The following ROBO2 variants were observed in gnomAD, a reference collection of about 807,000 sequenced individuals.
ROBO2 encodes the protein roundabout guidance receptor 2, also known as roundabout homolog 2.
In ROBO2, 53 loss-of-function variants were observed where a neutral mutation model predicts 160.8. The observed-to-expected ratio is 0.33, with a 90% CI of 0.26 to 0.41. The LOEUF (loss-of-function observed/expected upper bound fraction) is 0.41, where lower values mean the gene tolerates loss of function less well. Among genes scored for constraint, ROBO2 ranks in the 10% least tolerant of loss-of-function variants. ROBO2 has a pLI of 1.00. For synonymous variants in ROBO2, 664 were observed against 611.7 expected, an observed-to-expected ratio of 1.09 and a Z score of -1.26; for missense variants, 1,577 against 1,722.4, an observed-to-expected ratio of 0.92 and a Z score of 1.49.
intron 2 of ROBO2, among the ~76,000 whole-genome samples, chr3:76,830,352 T>C (rs1165348965): frequency 6.6e-6 from 1 of 152,204 alleles, no homozygotes. Flanking sequence ...GATTCCATTT[T>C]AACAGATATT....
intron 2 of ROBO2, among the ~76,000 whole-genome samples, chr3:77,185,659 G>T (rs183380352): frequency 1.3e-4 from 20 of 151,898 alleles, no homozygotes; most frequent in Admixed American, 5.3e-4. Flanking sequence ...CTCACTACTG[G>T]GTGTCTACCC....
chr3:77,089,436 G>C (rs2150005172), intron 1 of ROBO2, among the ~76,000 whole-genome samples: 1 of 152,256 alleles, frequency 6.6e-6, no homozygotes, highest in Non-Finnish European at 1.5e-5. Flanking sequence ...AATCAAGGCT[G>C]CCTGTTGAGT....
chr3:77,562,076 C>T (rs1015213985), intron 9 of ROBO2, among the ~76,000 whole-genome samples: 1 of 151,904 alleles, frequency 6.6e-6, no homozygotes, highest in Non-Finnish European at 1.5e-5. Context: ...GCACTCCAGC[C>T]TAGGCAACAA....
At chr3:76,689,416 C>T (rs1475830237) in intron 2 of ROBO2, among the ~76,000 whole-genome samples, 3 of 152,004 alleles carry the variant, frequency 2.0e-5, no homozygotes, top group African/African-American at 7.2e-5. Flanking sequence ...TTCTCCAATC[C>T]ACTTTATTAA....
chr3:76,120,784 A>C (rs2070718505), intron 2 of ROBO2, among the ~76,000 whole-genome samples: 1 of 152,152 alleles, frequency 6.6e-6, no homozygotes, highest in Admixed American at 6.6e-5. Flanking sequence ...CTCTCAAATT[A>C]TCTTGTTCAT....
At chr3:77,091,718 C>T (rs1415976550) in intron 1 of ROBO2, among the ~76,000 whole-genome samples, 1 of 152,058 alleles carries the variant, frequency 6.6e-6, no homozygotes, top group Non-Finnish European at 1.5e-5. Context: ...GTGGCTCATG[C>T]CTGTAATCCC....
chr3:76,773,507 G>C (rs1417610371), intron 2 of ROBO2, among the ~76,000 whole-genome samples: 1 of 150,506 alleles, frequency 6.6e-6, no homozygotes, highest in African/African-American at 2.4e-5. Flanking sequence ...TGTCATTCCT[G>C]AGTCATTATT....
chr3:77,160,841 T>TA (rs2078424810), intron 2 of ROBO2, among the ~76,000 whole-genome samples: 1 of 152,208 alleles, frequency 6.6e-6, no homozygotes, highest in Non-Finnish European at 1.5e-5. Flanking sequence ...ACTGTAATTT[T>TA]AAAGTAAAAC....
At chr3:76,871,533 G>T (rs1388779019) in intron 2 of ROBO2, among the ~76,000 whole-genome samples, 2 of 137,114 alleles carry the variant, frequency 1.5e-5, no homozygotes, top group East Asian at 4.2e-4. Context: ...CAGCCTGGGC[G>T]ACAGAGCGAG....
chr3:76,321,889 C>G (rs1019450291), intron 2 of ROBO2, among the ~76,000 whole-genome samples: 1 of 151,960 alleles, frequency 6.6e-6, no homozygotes, highest in Non-Finnish European at 1.5e-5. Context: ...CCCTGGAGTA[C>G]TTTTCCCTCA....
chr3:76,264,581 T>C (rs1330852154), intron 2 of ROBO2, among the ~76,000 whole-genome samples: 1 of 152,182 alleles, frequency 6.6e-6, no homozygotes, highest in Non-Finnish European at 1.5e-5. Context: ...CTGGTTTCTT[T>C]CATTGTCACA....
intron 2 of ROBO2, among the ~76,000 whole-genome samples, chr3:77,194,340 A>G (rs2082132927): frequency 6.6e-6 from 1 of 152,134 alleles, no homozygotes; most frequent in Non-Finnish European, 1.5e-5. Flanking sequence ...TCTTTACGTA[A>G]GTTCACTTAT....
intron 2 of ROBO2, among the ~76,000 whole-genome samples, chr3:76,865,777 C>T (rs1371659983): frequency 2.0e-5 from 3 of 152,008 alleles, no homozygotes; most frequent in African/African-American, 7.2e-5. Context: ...CTCTTCTACC[C>T]ACCAAAATTA....
rs145850835 is a variant in ROBO2 at position 77,612,672 on chromosome 3, C to T, written c.3293+4718C>T. 5.9e-5 allele frequency among the ~76,000 whole-genome samples: 9 copies of T among 152,198 alleles called. No individual in the cohort carries two copies. In the East Asian group the frequency reaches 7.7e-4, roughly 13 times the overall value. On this transcript the variant is annotated intron_variant, in intron 21 of 25. Coordinates refer to ENST00000461745, the Ensembl canonical transcript of ROBO2. ...GAAAAATTGGTGATAACTGGCTAGG[C>T]GCGGTAGCTCACTCTTGTAATCCCA... is the stretch of plus-strand genomic sequence containing the variant.
At chr3:77,452,179 T>C (rs1448643927) in intron 2 of ROBO2, among the ~76,000 whole-genome samples, 1 of 152,162 alleles carries the variant, frequency 6.6e-6, no homozygotes, top group Non-Finnish European at 1.5e-5. Context: ...AGTTGATTCA[T>C]AGGCAAAATA....
At chr3:76,846,911 T>C (rs1336618391) in intron 2 of ROBO2, among the ~76,000 whole-genome samples, 3 of 152,132 alleles carry the variant, frequency 2.0e-5, no homozygotes, top group Non-Finnish European at 2.9e-5. Flanking sequence ...ATTCACATCT[T>C]TCCTGGAACT....
At chr3:76,795,840 A>C (rs2063656799) in intron 2 of ROBO2, among the ~76,000 whole-genome samples, 1 of 152,130 alleles carries the variant, frequency 6.6e-6, no homozygotes, top group South Asian at 2.1e-4. Context: ...ATCACTATCT[A>C]TGTCAGCTGT....
chr3:76,063,645 C>G (rs2068143432), intron 2 of ROBO2, among the ~76,000 whole-genome samples: 1 of 151,972 alleles, frequency 6.6e-6, no homozygotes, highest in Admixed American at 6.6e-5. Context: ...TGTACCCAGC[C>G]TATGTTAACT....
chr3:76,620,044 T>G (rs1253667817), intron 2 of ROBO2, among the ~76,000 whole-genome samples: 1 of 152,198 alleles, frequency 6.6e-6, no homozygotes, highest in African/African-American at 2.4e-5. Context: ...TTAAATATTT[T>G]TGTACCAGTA....
Sources: allele counts gnomAD v4.1 joint callset (sites outside exome capture counted in the v4.1 genomes callset), GRCh38; gene constraint gnomAD v4.1.1; transcripts MANE v1.5; gene names NCBI Gene and HGNC (gene_info 2026-07-23, HGNC 2026-07-21).